Variants in RPS6KC1 observed in about 807,000 individuals in gnomAD.
RPS6KC1 encodes the protein ribosomal protein S6 kinase C1, also known as inactive ribosomal protein S6 kinase delta-1.
Under a neutral mutation model 103.8 loss-of-function variants are expected in RPS6KC1, and 54 were observed. That is an observed-to-expected ratio of 0.52 (90% CI 0.42 to 0.65). The LOEUF (loss-of-function observed/expected upper bound fraction) is 0.65. RPS6KC1 is among the 30% of genes least tolerant of loss of function. The probability of loss-of-function intolerance (pLI) is 0.00; values close to 1 mark genes in which losing one functional copy is unlikely to be tolerated. For synonymous variants in RPS6KC1, 439 were observed against 438.7 expected, an observed-to-expected ratio of 1.00 and a Z score of -0.01; for missense variants, 1,151 against 1,253.8, an observed-to-expected ratio of 0.92 and a Z score of 1.24.
chr1:213,104,591 AT>A, intron 4 of RPS6KC1, 22 bp downstream of exon 4: 1 of 1,277,506 alleles, frequency 7.8e-7, no homozygotes, highest in Non-Finnish European at 1.1e-6. Context: ...TTTCTGGAAT[AT>A]TTTATATCTT....
the RPS6KC1 span, among the ~76,000 whole-genome samples, chr1:213,829,210 A>G: frequency 6.7e-6 from 1 of 150,074 alleles, no homozygotes; most frequent in Admixed American, 6.7e-5. Flanking sequence ...CATTTAATTA[A>G]AGGCCCTTCC....
At chr1:213,592,945 C>T in the RPS6KC1 span, among the ~76,000 whole-genome samples, 1 of 152,174 alleles carries the variant, frequency 6.6e-6, no homozygotes. Flanking sequence ...GGAGCTGTGA[C>T]AGAGTGCAAG....
At chr1:213,795,268 A>G in the RPS6KC1 span, among the ~76,000 whole-genome samples, 1 of 152,202 alleles carries the variant, frequency 6.6e-6, no homozygotes, top group Non-Finnish European at 1.5e-5. Context: ...GCTTTGTTAG[A>G]CATTCTGGAA....
chr1:213,187,222 C>CT (rs1348915243), intron 8 of RPS6KC1, among the ~76,000 whole-genome samples: 1 of 147,056 alleles, frequency 6.8e-6, no homozygotes, highest in Non-Finnish European at 1.5e-5. Context: ...ATTTCAGTTT[C>CT]TTTTTTTTAA....
At chr1:213,672,206 C>T in the RPS6KC1 span, among the ~76,000 whole-genome samples, 1 of 152,174 alleles carries the variant, frequency 6.6e-6, no homozygotes, top group South Asian at 2.1e-4. Context: ...TGGGAACATA[C>T]TCAACACATC....
the RPS6KC1 span, among the ~76,000 whole-genome samples, chr1:213,649,873 A>T: frequency 1.3e-5 from 2 of 152,200 alleles, no homozygotes; most frequent in African/African-American, 4.8e-5. Context: ...GGATGGGAGG[A>T]TCTGCCTTGT....
chr1:213,816,583 G>A, the RPS6KC1 span, among the ~76,000 whole-genome samples: 15 of 152,110 alleles, frequency 9.9e-5, no homozygotes, highest in East Asian at 2.3e-3. Flanking sequence ...TGGGCCGCTC[G>A]TGGGTAGATC....
the RPS6KC1 span, among the ~76,000 whole-genome samples, chr1:213,699,571 C>G: frequency 1.1e-4 from 16 of 152,240 alleles, no homozygotes; most frequent in African/African-American, 3.9e-4. Context: ...TGGGTATATA[C>G]CCAGCAGTGG....
intron 8 of RPS6KC1, among the ~76,000 whole-genome samples, chr1:213,201,413 G>A (rs2093158998): frequency 6.6e-6 from 1 of 152,230 alleles, no homozygotes; most frequent in Non-Finnish European, 1.5e-5. Context: ...CAAACCCATG[G>A]AGACAGTAAA....
At chr1:213,708,470 T>C in the RPS6KC1 span, among the ~76,000 whole-genome samples, 1 of 152,224 alleles carries the variant, frequency 6.6e-6, no homozygotes, top group South Asian at 2.1e-4. Flanking sequence ...TAAACAATTA[T>C]GTCTTATCAG....
intron 6 of RPS6KC1, among the ~76,000 whole-genome samples, chr1:213,167,344 ATTATCTCT>A (rs1433438986): frequency 6.6e-6 from 1 of 151,986 alleles, no homozygotes; most frequent in Admixed American, 6.6e-5. Context: ...TTTGGGGGAA[ATTATCTCT>A]TTATTATAAT....
chr1:213,690,467 C>G, the RPS6KC1 span, among the ~76,000 whole-genome samples: 2 of 152,170 alleles, frequency 1.3e-5, no homozygotes, highest in Admixed American at 1.3e-4. Flanking sequence ...CATATGGCTG[C>G]TTGTCTGGTG....
intron 6 of RPS6KC1, among the ~76,000 whole-genome samples, chr1:213,161,736 A>C (rs1466546188): frequency 6.6e-6 from 1 of 152,190 alleles, no homozygotes; most frequent in Non-Finnish European, 1.5e-5. Context: ...AAGTCAATTT[A>C]ATTTTTATGG....
chr1:213,468,094 T>G, the RPS6KC1 span, among the ~76,000 whole-genome samples: 1 of 152,354 alleles, frequency 6.6e-6, no homozygotes, highest in Admixed American at 6.5e-5. Context: ...ACACATTACT[T>G]CCATTTCAGG....
At chr1:213,242,318 C>CATTTCTT (rs1440462965) in intron 11 of RPS6KC1, 21 bp downstream of exon 11, 18 of 1,611,520 alleles carry the variant, frequency 1.1e-5, no homozygotes, top group Non-Finnish European at 1.5e-5. Context: ...TTTGCAAATG[C>CATTTCTT]ATTTCTTTTT....
At chr1:213,093,082 C>G (rs2081132666) in intron 3 of RPS6KC1, among the ~76,000 whole-genome samples, 1 of 151,942 alleles carries the variant, frequency 6.6e-6, no homozygotes, top group African/African-American at 2.4e-5. Context: ...TCATATTAAT[C>G]TTAATAAGTA....
At chr1:213,616,747 G>C in the RPS6KC1 span, among the ~76,000 whole-genome samples, 4 of 152,314 alleles carry the variant, frequency 2.6e-5, no homozygotes, top group Admixed American at 2.6e-4. Context: ...GGCACCCAGG[G>C]TGGGCAGGGG....
chr1:213,798,793 T>A, the RPS6KC1 span, among the ~76,000 whole-genome samples: 2 of 152,186 alleles, frequency 1.3e-5, no homozygotes, highest in Non-Finnish European at 2.9e-5. Context: ...GTGGGGGCAA[T>A]GTTTTAGACT....
At chr1:213,570,420 G>GA in the RPS6KC1 span, among the ~76,000 whole-genome samples, 1 of 152,086 alleles carries the variant, frequency 6.6e-6, no homozygotes, top group African/African-American at 2.4e-5. Context: ...CCTTGTTACG[G>GA]ACCCACGTCC....
Sources: allele counts gnomAD v4.1 joint callset (sites outside exome capture counted in the v4.1 genomes callset), GRCh38; gene constraint gnomAD v4.1.1; transcripts MANE v1.5; gene names NCBI Gene and HGNC (gene_info 2026-07-23, HGNC 2026-07-21).